The following ALK variants were observed in gnomAD, a reference collection of about 807,000 sequenced individuals.
The protein encoded by ALK is ALK tyrosine kinase receptor.
A neutral mutation model predicts 163.1 loss-of-function variants in ALK; 74 were observed. The ratio of observed to expected loss-of-function variants is 0.45; its 90% CI spans 0.38 to 0.55. ALK has a LOEUF of 0.55. Ranked by LOEUF, ALK falls within the 20% of genes least tolerant of loss-of-function variation. The pLI, the probability that ALK is intolerant of heterozygous loss-of-function variation, is 0.00. For missense variants in ALK, 2,063 were observed against 2,105.3 expected (o/e 0.98, Z 0.39); for synonymous variants, 960 against 843.2 (o/e 1.14, Z -2.40).
intron 3 of ALK, among the ~76,000 whole-genome samples, chr2:29,599,030 G>A (rs1299401252): frequency 6.6e-6 from 1 of 152,060 alleles, no homozygotes; most frequent in African/African-American, 2.4e-5. Context: ...ACGATGTCCA[G>A]GCACTTAAGC....
At chr2:29,824,568 C>A (rs549968245) in intron 1 of ALK, among the ~76,000 whole-genome samples, 4 of 152,220 alleles carry the variant, frequency 2.6e-5, no homozygotes, top group East Asian at 3.9e-4. Flanking sequence ...ATGTGAGACA[C>A]GGAGTCAAGG....
At chr2:29,220,528 C>G (rs1373164340) in intron 23 of ALK, among the ~76,000 whole-genome samples, 178 bp downstream of exon 23, 1 of 152,192 alleles carries the variant, frequency 6.6e-6, no homozygotes, top group African/African-American at 2.4e-5. Flanking sequence ...CAGCCATCAT[C>G]TACCTCTATC....
intron 1 of ALK, among the ~76,000 whole-genome samples, chr2:29,907,722 C>G (rs183303823): frequency 1.3e-5 from 2 of 152,106 alleles, no homozygotes; most frequent in African/African-American, 2.4e-5. Flanking sequence ...TAAATTACCA[C>G]GTGCATGTAA....
chr2:29,514,142 A>C (rs1328268425), intron 4 of ALK, among the ~76,000 whole-genome samples: 1 of 138,152 alleles, frequency 7.2e-6, no homozygotes, highest in Non-Finnish European at 1.5e-5. Context: ...CAGCCATCCC[A>C]TTACTGGGTA....
chr2:29,478,185 C>T (rs1010704180), intron 4 of ALK, among the ~76,000 whole-genome samples: 1 of 152,342 alleles, frequency 6.6e-6, no homozygotes, highest in Non-Finnish European at 1.5e-5. Flanking sequence ...GGAATACAAA[C>T]ACCCATGTGA....
chr2:29,597,270 C>T lies in ALK; in HGVS notation c.953-65154G>A, dbSNP rs150676555. ...AGAGGTGGGCAGCAGGCCTGGTCAG[C>T]CTCACAAATCAGGCTTCTCTTAAAT... On this transcript the variant is annotated intron_variant, in intron 3 of 28. Coordinates refer to ENST00000389048, the MANE Select transcript of ALK (RefSeq NM_004304.5). 1.6e-4 allele frequency among the ~76,000 whole-genome samples: 25 copies of T among 152,312 alleles called. No homozygotes were observed. In the East Asian group the frequency reaches 4.8e-3, roughly 29 times the overall value.
At chr2:29,391,121 T>G (rs1001629156) in intron 4 of ALK, among the ~76,000 whole-genome samples, 1 of 152,194 alleles carries the variant, frequency 6.6e-6, no homozygotes, top group African/African-American at 2.4e-5. Context: ...CATTGTCAGC[T>G]GTAAAGCAGT....
chr2:29,208,030 G>C (rs1489700785), intron 25 of ALK: 1 of 453,070 alleles, frequency 2.2e-6, no homozygotes. Context: ...TGAATATTTA[G>C]TATGTATCAG....
At chr2:29,428,954 A>G (rs1252774686) in intron 4 of ALK, among the ~76,000 whole-genome samples, 1 of 152,066 alleles carries the variant, frequency 6.6e-6, no homozygotes, top group East Asian at 1.9e-4. Flanking sequence ...CTTAATATGC[A>G]AAAATCAATG....
At chr2:29,798,712 A>G (rs994859592) in intron 1 of ALK, among the ~76,000 whole-genome samples, 1 of 152,334 alleles carries the variant, frequency 6.6e-6, no homozygotes, top group South Asian at 2.1e-4. Context: ...AACCCAAAGA[A>G]CTTTTTTCTT....
chr2:29,412,353 G>C (rs560701809), intron 4 of ALK, among the ~76,000 whole-genome samples: 1 of 152,314 alleles, frequency 6.6e-6, no homozygotes, highest in Non-Finnish European at 1.5e-5. Context: ...TAGTACAGTG[G>C]CGCTGCATGC....
intron 4 of ALK, among the ~76,000 whole-genome samples, chr2:29,444,947 G>A (rs11127224): frequency 0.4 from 61,268 of 151,974 alleles, 12,719 homozygotes; most frequent in East Asian, 0.68. Context: ...GGGCATCTAG[G>A]GGTTACAGGT....
intron 3 of ALK, among the ~76,000 whole-genome samples, chr2:29,618,942 G>A (rs547541597): frequency 2.0e-5 from 3 of 151,990 alleles, no homozygotes; most frequent in African/African-American, 7.2e-5. Flanking sequence ...TTGCGCCACT[G>A]CACTACAGCC....
At chr2:29,659,842 G>A (rs563607010) in intron 3 of ALK, among the ~76,000 whole-genome samples, 1 of 152,166 alleles carries the variant, frequency 6.6e-6, no homozygotes, top group East Asian at 1.9e-4. Flanking sequence ...CTCTCTCCCT[G>A]CCTCCTTCTC....
intron 4 of ALK, among the ~76,000 whole-genome samples, chr2:29,439,702 A>G (rs1670488837): frequency 8.3e-6 from 1 of 120,064 alleles, no homozygotes; most frequent in Non-Finnish European, 1.8e-5. Context: ...AAAAAAAAAA[A>G]AAGGATGGGA....
intron 1 of ALK, among the ~76,000 whole-genome samples, chr2:29,744,632 T>C (rs1680159110): frequency 6.6e-6 from 1 of 152,060 alleles, no homozygotes; most frequent in Non-Finnish European, 1.5e-5. Context: ...ACAGAGTCTC[T>C]CTCTGTCACC....
Position 29,637,979 on chromosome 2 carries a change from A to C in ALK, c.952+56871T>G, listed in dbSNP as rs149443454. 6.0e-3 allele frequency among the ~76,000 whole-genome samples: 905 copies of C among 151,666 alleles called. 6 individuals carry two copies. Among genetic ancestry groups the C allele is most frequent in the Middle Eastern group, 0.028 (8 of 288 alleles). On this transcript the variant is annotated intron_variant, in intron 3 of 28. Transcript: ENST00000389048. The stretch of plus-strand genomic sequence containing the variant: ...AACCCGATACAGAATTTTGAAATAA[A>C]CTTGAAAAAAAAATCAATGTATATG...
chr2:29,286,668 G>A (rs943905805), intron 9 of ALK: 13 of 152,072 alleles, frequency 8.5e-5, no homozygotes, highest in African/African-American at 2.7e-4. Context: ...TGACAAATTC[G>A]GGGGTGGGGG....
intron 4 of ALK, among the ~76,000 whole-genome samples, chr2:29,431,296 ATG>A (rs1670266646): frequency 6.6e-6 from 1 of 152,182 alleles, no homozygotes; most frequent in South Asian, 2.1e-4. Flanking sequence ...ATTAATGTTA[ATG>A]TGTATTTAAG....
Sources: gnomAD v4.1 joint callset for allele counts (sites outside exome capture counted in the v4.1 genomes callset) on GRCh38, gnomAD v4.1.1 for gene constraint, MANE v1.5 for transcripts, NCBI Gene and HGNC (gene_info 2026-07-23, HGNC 2026-07-21) for gene names.